Variants in MARVELD2 observed in about 807,000 individuals in gnomAD.
The protein encoded by MARVELD2 is MARVEL domain containing 2.
MARVELD2 carries 49 observed loss-of-function variants against 57.6 expected under a neutral mutation model. The ratio of observed to expected loss-of-function variants is 0.85; its 90% CI spans 0.68 to 1.08. The LOEUF (loss-of-function observed/expected upper bound fraction) is 1.08, where lower values mean the gene tolerates loss of function less well. Ranked by LOEUF, MARVELD2 falls within the 50% of genes least tolerant of loss-of-function variation. The pLI is 0.00. For synonymous variants in MARVELD2, 238 were observed against 258.8 expected (o/e 0.92, Z 0.77); for missense variants, 606 against 701.1 (o/e 0.86, Z 1.53).
At chr5:69,418,035 G>C (rs915560071) in intron 1 of MARVELD2, among the ~76,000 whole-genome samples, 2 of 152,138 alleles carry the variant, frequency 1.3e-5, no homozygotes, top group Non-Finnish European at 2.9e-5. Flanking sequence ...TTGAGCCAGG[G>C]AGATTGAGGC....
rs1402580833 is a variant in MARVELD2, at chr5:69,442,416, G to C, written c.*762G>C. The C allele has an allele frequency of 6.6e-6, 1 of 152,118 alleles. No individual in the cohort carries two copies. The highest frequency in any genetic ancestry group is 1.9e-4 in the East Asian group (1 of 5,198). 9.4% of individuals were successfully genotyped at this position (152,118 alleles called of 1,614,324 possible). A position where few individuals can be genotyped will look rare whatever the true frequency, so the allele number is the denominator to read the frequency against. ...ACATTTTCAGACATCCTGATCTTGG[G>C]CAAATTGCTTAATCTCTCTGTGCCT... On this transcript the variant is annotated 3_prime_UTR_variant, in exon 7 of 7. Coordinates refer to ENST00000325631, the MANE Select transcript of MARVELD2 (RefSeq NM_001038603.3).
chr5:69,424,421 C>T (rs537463617), intron 2 of MARVELD2, among the ~76,000 whole-genome samples, 180 bp from the exon 3 acceptor site: 3 of 152,104 alleles, frequency 2.0e-5, no homozygotes, highest in African/African-American at 7.2e-5. Flanking sequence ...TACAGTTATC[C>T]CTCTTCTCAG....
intron 2 of MARVELD2, among the ~76,000 whole-genome samples, chr5:69,424,042 A>G (rs1274135279): frequency 6.6e-6 from 1 of 152,218 alleles, no homozygotes; most frequent in Non-Finnish European, 1.5e-5. Context: ...TGCATAAGTT[A>G]TTAAATCTTA....
chr5:69,431,500 A>G (rs1458351506), intron 3 of MARVELD2, among the ~76,000 whole-genome samples: 1 of 152,136 alleles, frequency 6.6e-6, no homozygotes, highest in African/African-American at 2.4e-5. Context: ...CTTTCCATTT[A>G]AGTAGGCTTG....
rs1767345785 is a variant in MARVELD2 at position 69,442,089 on chromosome 5, A to G, written c.*435A>G. The G allele has an allele frequency of 6.4e-6, 1 of 155,638 alleles. No homozygotes were observed. The highest frequency in any genetic ancestry group is 1.9e-4 in the South Asian group (1 of 5,156). The allele number at this position is 155,638 out of a possible 1,614,324, so 9.6% of individuals were successfully genotyped here. On this transcript the variant is annotated 3_prime_UTR_variant, in exon 7 of 7. Transcript: ENST00000325631. ...TTCAAATGTTCTAAGGGCCTTTACT[A>G]AGAATGGAAAAAATCCTGTGTTCAT... is the stretch of plus-strand genomic sequence containing the variant.
Position 69,443,533 on chromosome 5 carries a change from T to C in MARVELD2, c.*1879T>C, listed in dbSNP as rs1295194473. The C allele has an allele frequency of 2.0e-5, 3 of 152,170 alleles. No individual in the cohort carries two copies. Among genetic ancestry groups the C allele is most frequent in the Non-Finnish European group, 4.4e-5 (3 of 68,018 alleles). The allele number at this position is 152,170 out of a possible 1,614,324, so 9.4% of individuals were successfully genotyped here. A position where few individuals can be genotyped will look rare whatever the true frequency, so the allele number is the denominator to read the frequency against. On this transcript the variant is annotated 3_prime_UTR_variant, in exon 7 of 7. Coordinates refer to ENST00000325631, the MANE Select transcript of MARVELD2 (RefSeq NM_001038603.3). ...CATCTTTCTAAGAATTATCTTGGCT[T>C]TGGACTTTATTCATAAATGTTTTAT...
At chr5:69,436,456 T>C (rs6859859) in intron 5 of MARVELD2, among the ~76,000 whole-genome samples, 1,440 of 128,848 alleles carry the variant, frequency 0.011, 8 homozygotes, top group African/African-American at 0.027. Context: ...CACACACATA[T>C]ATATAAATTT....
In MARVELD2 at chr5:69,422,948, A is replaced by G. The variant is rs1458632818; in HGVS notation, c.1147-1653A>G. Among the ~76,000 whole-genome samples the G allele has an allele frequency of 2.6e-5, 4 of 152,220 alleles. No individual in the cohort carries two copies. In the East Asian group the frequency reaches 7.7e-4, roughly 29 times the overall value. The stretch of plus-strand genomic sequence containing the variant: ...CCCCCAATATCTGGCACCAGGCTGG[A>G]GTGCAGTGGCACAATCTCTGCTCAC... On this transcript the variant is annotated intron_variant, in intron 2 of 6. Coordinates refer to ENST00000325631, the MANE Select transcript of MARVELD2 (RefSeq NM_001038603.3).
chr5:69,428,646 ATTAGTTCTTCCTT>A lies in MARVELD2; in HGVS notation c.1183-3880_1183-3868del, dbSNP rs1489998902. Among the ~76,000 whole-genome samples, 123 of 150,880 alleles carry A rather than the reference ATTAGTTCTTCCTT, an allele frequency of 8.2e-4. 18 individuals carry two copies. The highest frequency in any genetic ancestry group is 2.0e-3 in the African/African-American group (83 of 41,112). On this transcript the variant is annotated intron_variant, in intron 3 of 6. Coordinates refer to ENST00000325631, the MANE Select transcript of MARVELD2 (RefSeq NM_001038603.3). ...TAGGGATGGGCAAGTAAGAAAAATG[ATTAGTTCTTCCTT>A]AAAAAAATTTTATGTAGAAAACAAA...
intron 5 of MARVELD2, among the ~76,000 whole-genome samples, chr5:69,437,136 C>CTGAGATCGT (rs1306212190): frequency 1.3e-5 from 2 of 149,860 alleles, no homozygotes; most frequent in East Asian, 4.0e-4. Context: ...TTGCAGTGAG[C>CTGAGATCGT]TGAGATCGTG....
At chr5:69,432,763 A>G in intron 4 of MARVELD2, 88 bp downstream of exon 4, 1 of 1,588,564 alleles carries the variant, frequency 6.3e-7, no homozygotes, top group Non-Finnish European at 8.6e-7. Flanking sequence ...CCAAGTTAAT[A>G]CTCTGTGCTT....
rs766746155 is a variant in MARVELD2 at position 69,419,492 on chromosome 5, A to T, written c.107A>T (p.Asp36Val). Residue 36 changes from aspartate (D) to valine (V), a missense_variant, in exon 2 of 7, where the codon GAC (aspartate) becomes GTC (valine). Asp to Val is a radical substitution (Grantham distance 152). Coordinates refer to ENST00000325631, the MANE Select transcript of MARVELD2 (RefSeq NM_001038603.3). ...TTIRTHPTLH[D>V]SERAVSADPL... ...ATAAGAACCCACCCAACTCTTCATG[A>T]CAGTGAGCGGGCAGTGAGCGCTGAT... is the stretch of plus-strand genomic sequence containing the variant. The T allele has an allele frequency of 6.2e-7, 1 of 1,614,172 alleles. No individual in the cohort carries two copies. The highest frequency in any genetic ancestry group is 1.3e-5 in the African/African-American group (1 of 75,042).
At chr5:69,440,192 C>A (rs1247402670) in intron 5 of MARVELD2, among the ~76,000 whole-genome samples, 1 of 152,116 alleles carries the variant, frequency 6.6e-6, no homozygotes, top group Non-Finnish European at 1.5e-5. Context: ...TGACCCTGGG[C>A]AAGCTATGTA....
intron 3 of MARVELD2, among the ~76,000 whole-genome samples, chr5:69,431,364 C>G (rs1200831763): frequency 6.6e-6 from 1 of 152,102 alleles, no homozygotes; most frequent in South Asian, 2.1e-4. Flanking sequence ...CCACCGACCT[C>G]GGCCTCCCAA....
chr5:69,424,605 A>G lies in MARVELD2; in HGVS notation c.1151A>G (p.Asn384Ser). The part of the protein sequence containing the change: ...HREYMEQQEI[N>S]EPSLSSKRKM... ...TTTGAACTCTTTTTGTTCCAGATAA[A>G]TGAGCCATCATTGTCATCGAAAAGG... The change falls in exon 3 of 7, where the codon AAT becomes AGT. Residue 384 changes from asparagine to serine, a missense_variant. Asn to Ser is a conservative substitution (Grantham distance 46). Transcript: ENST00000325631. 1.2e-6 allele frequency: 2 copies of G among 1,603,530 alleles called. No individual in the cohort carries two copies. Among genetic ancestry groups the G allele is most frequent in the South Asian group, 1.1e-5 (1 of 90,936 alleles).
chr5:69,421,931 G>T (rs1473192441), intron 2 of MARVELD2, among the ~76,000 whole-genome samples: 11 of 151,936 alleles, frequency 7.2e-5, no homozygotes, highest in Non-Finnish European at 1.5e-5. Flanking sequence ...AGATTTCATG[G>T]ACATTTATTA....
chr5:69,442,591 C>T lies in MARVELD2; in HGVS notation c.*937C>T, dbSNP rs1203761160. On this transcript the variant is annotated 3_prime_UTR_variant, in exon 7 of 7. Coordinates refer to ENST00000325631, the MANE Select transcript of MARVELD2 (RefSeq NM_001038603.3). ...AATGAATAAATTATAAAGAATGAGT[C>T]TCAAGAAAAGGTCCTTAATGAGCAA... 1 of 152,148 alleles carries T rather than the reference C, an allele frequency of 6.6e-6. No individual in the cohort carries two copies. Among genetic ancestry groups the T allele is most frequent in the African/African-American group, 2.4e-5 (1 of 41,412 alleles). 9.4% of individuals were successfully genotyped at this position (152,148 alleles called of 1,614,324 possible). A position where few individuals can be genotyped will look rare whatever the true frequency, so the allele number is the denominator to read the frequency against.
Position 69,420,227 on chromosome 5 carries a change from C to A in MARVELD2, c.842C>A (p.Thr281Asn). The A allele has an allele frequency of 2.5e-6, 4 of 1,614,160 alleles. No homozygotes were observed. The highest frequency in any genetic ancestry group is 3.4e-6 in the Non-Finnish European group (4 of 1,180,034). ...LVLGMSMYYR[T>N]ILLDSNWWPL... ...CTTGGCATGTCCATGTATTACCGGA[C>A]CATTCTTCTGGACTCTAATTGGTGG... The change falls in exon 2 of 7, where the codon ACC (threonine) becomes AAC (asparagine). Residue 281 changes from threonine to asparagine, a missense_variant. Coordinates refer to ENST00000325631, the MANE Select transcript of MARVELD2 (RefSeq NM_001038603.3).
chr5:69,442,756 G>A lies in MARVELD2; in HGVS notation c.*1102G>A, dbSNP rs936103593. On this transcript the variant is annotated 3_prime_UTR_variant, in exon 7 of 7. Transcript: ENST00000325631. ...TGGCCTCCCTGTCTTTCATCAGTGT[G>A]ACTGTACATCTCTCCATCTCCCCAT... The A allele has an allele frequency of 5.9e-5, 9 of 151,706 alleles. No homozygotes were observed. The highest frequency in any genetic ancestry group is 1.9e-4 in the African/African-American group (8 of 41,272). 9.4% of individuals were successfully genotyped at this position (151,706 alleles called of 1,614,324 possible). A position where few individuals can be genotyped will look rare whatever the true frequency, so the allele number is the denominator to read the frequency against.
Sources: gnomAD v4.1 joint callset for allele counts (sites outside exome capture counted in the v4.1 genomes callset) on GRCh38, gnomAD v4.1.1 for gene constraint, MANE v1.5 for transcripts, NCBI Gene and HGNC (gene_info 2026-07-23, HGNC 2026-07-21) for gene names.